Variants in SMURF1 observed in about 807,000 individuals in gnomAD.
The protein encoded by SMURF1 is SMAD specific E3 ubiquitin protein ligase 1.
SMURF1 carries 44 observed loss-of-function variants against 98.0 expected under a neutral mutation model. That is an observed-to-expected ratio of 0.45 (90% CI 0.35 to 0.58). The LOEUF (loss-of-function observed/expected upper bound fraction) is 0.58, where lower values mean the gene tolerates loss of function less well. SMURF1 is among the 20% of genes least tolerant of loss of function. The pLI, the probability that SMURF1 is intolerant of heterozygous loss-of-function variation, is 0.00. For missense variants in SMURF1, 687 were observed against 938.4 expected, an observed-to-expected ratio of 0.73 and a Z score of 3.50; for synonymous variants, 396 against 374.9, an observed-to-expected ratio of 1.06 and a Z score of -0.65.
rs143436651 is a variant in SMURF1, at chr7:99,051,686, G to A, written c.722-245C>T. Among the ~76,000 whole-genome samples the A allele has an allele frequency of 3.9e-3, 592 of 152,158 alleles. 2 individuals are homozygous for A. Among genetic ancestry groups the A allele is most frequent in the African/African-American group, 0.012 (505 of 41,512 alleles). Reference sequence around the variant, plus strand: ...GTTACCTTGGTTTGCTTTGGTGTTCGTTTGCCTAAGATTTTCACTTGATTT... The same window carrying A: ...GTTACCTTGGTTTGCTTTGGTGTTCATTTGCCTAAGATTTTCACTTGATTT... On this transcript the variant is annotated intron_variant, in intron 7 of 17. Coordinates refer to ENST00000361368, the MANE Select transcript of SMURF1 (RefSeq NM_181349.3).
chr7:99,139,468 G>A (rs1190130306), intron 1 of SMURF1, among the ~76,000 whole-genome samples: 1 of 152,114 alleles, frequency 6.6e-6, no homozygotes, highest in East Asian at 1.9e-4. Flanking sequence ...TCAACTAATT[G>A]GTTGACATTA....
rs114043203 is a variant in SMURF1 at position 99,035,506 on chromosome 7, G to A, written c.2011+9C>T. 1.3e-3 allele frequency: 2,142 copies of A among 1,614,020 alleles called. 22 individuals are homozygous for A. In the African/African-American group the frequency reaches 0.021, roughly 16 times the overall value. ...CGTCATCGAATAGCCCTGCCTCCAC[G>A]TCAGTCACCTTGCAAAGCCTTGAAG... On this transcript the variant is annotated intron_variant, in intron 16 of 17. Coordinates refer to ENST00000361368, the MANE Select transcript of SMURF1 (RefSeq NM_181349.3).
Position 99,051,300 on chromosome 7 carries a change from C to G in SMURF1, c.806+57G>C, listed in dbSNP as rs1584460887. 6 of 1,377,686 alleles carry G rather than the reference C, an allele frequency of 4.4e-6. No homozygotes were observed. In the East Asian group the frequency reaches 9.1e-5, roughly 21 times the overall value. 85.3% of individuals were successfully genotyped at this position (1,377,686 alleles called of 1,614,324 possible). ...GAGCAACACATCTGGAAGGTATTGG[C>G]TTTTCAAGTCAACTGCTGGAAAGAC... On this transcript the variant is annotated intron_variant, in intron 8 of 17. Coordinates refer to ENST00000361368, the MANE Select transcript of SMURF1 (RefSeq NM_181349.3).
Position 99,031,683 on chromosome 7 carries a change from T to C in SMURF1, c.2097-1000A>G, listed in dbSNP as rs531965660. ...TGGAGCAGGACCTTGGCACCCACCA[T>C]GGTCCAGGACCAGCTGCATTACCCC... On this transcript the variant is annotated intron_variant, in intron 17 of 17. Coordinates refer to ENST00000361368, the MANE Select transcript of SMURF1 (RefSeq NM_181349.3). 5.6e-4 allele frequency among the ~76,000 whole-genome samples: 85 copies of C among 152,336 alleles called. 1 individual carries two copies. The highest frequency in any genetic ancestry group is 1.9e-3 in the African/African-American group (81 of 41,596).
At chr7:99,108,698 T>C (rs376422091) in intron 1 of SMURF1, among the ~76,000 whole-genome samples, 1 of 151,158 alleles carries the variant, frequency 6.6e-6, no homozygotes, top group Non-Finnish European at 1.5e-5. Context: ...AGCAGAGCAT[T>C]TTCCAGAGCC....
rs770937259 is a variant in SMURF1, at chr7:99,040,361, C to T, written c.1550+17G>A. 21 of 1,464,980 alleles carry T rather than the reference C, an allele frequency of 1.4e-5. No individual in the cohort carries two copies. Among genetic ancestry groups the T allele is most frequent in the East Asian group, 2.6e-5 (1 of 39,094 alleles). The allele number at this position is 1,464,980 out of a possible 1,614,324, so 90.7% of individuals were successfully genotyped here. On this transcript the variant is annotated intron_variant, in intron 13 of 17. Transcript: ENST00000361368. ...GTGGGCCCTAAGCCAGGTGACCGGC[C>T]GTCAGTCAATACTTACAGGATCCAC...
chr7:99,035,528 G>A lies in SMURF1; in HGVS notation c.1998C>T (p.Phe666=), dbSNP rs755685190. 6.2e-7 allele frequency: 1 copy of A among 1,614,186 alleles called. No homozygotes were observed. The highest frequency in any genetic ancestry group is 1.1e-5 in the South Asian group (1 of 91,078). Residue 666 remains phenylalanine, a synonymous_variant, in exon 16 of 18, where the codon TTC becomes TTT. Transcript: ENST00000361368. The stretch of plus-strand genomic sequence containing the variant: ...CACGTCAGTCACCTTGCAAAGCCTT[G>A]AAGCCTTGGAGCGGGACTCGCGTGG... ...TGSTRVPLQG[F]KALQGSTGAA...
At position 99,054,931 on chromosome 7, in the gene SMURF1, T is replaced by C. The variant is rs1200290627; in HGVS notation, c.404-66A>G. The C allele has an allele frequency of 2.9e-6, 4 of 1,386,566 alleles. No individual in the cohort carries two copies. The African/African-American group carries it at 4.3e-5, about 15-fold the overall frequency. 85.9% of individuals were successfully genotyped at this position (1,386,566 alleles called of 1,614,324 possible). A position where few individuals can be genotyped will look rare whatever the true frequency, so the allele number is the denominator to read the frequency against. Reference sequence around the variant, plus strand: ...GTTTACATAATTATAATACAGTGAGTCATTGCTAATTTAGAATTTATGTAC... The same window carrying C: ...GTTTACATAATTATAATACAGTGAGCCATTGCTAATTTAGAATTTATGTAC... On this transcript the variant is annotated intron_variant, in intron 5 of 17. Coordinates refer to ENST00000361368, the MANE Select transcript of SMURF1 (RefSeq NM_181349.3).
intron 16 of SMURF1, 103 bp from the exon 17 acceptor site, chr7:99,033,224 C>T: frequency 8.8e-7 from 1 of 1,135,190 alleles, no homozygotes; most frequent in Non-Finnish European, 1.3e-6. Flanking sequence ...TTCCCACCCC[C>T]ACACCCAGGC....
rs187824472 is a variant in SMURF1, at chr7:99,056,948, A to T, written c.403+257T>A. Among the ~76,000 whole-genome samples the T allele has an allele frequency of 7.5e-3, 1,007 of 134,546 alleles. 12 individuals carry two copies. The highest frequency in any genetic ancestry group is 0.054 in the East Asian group (236 of 4,346). 88.3% of individuals were successfully genotyped at this position (134,546 alleles called of 152,430 possible). On this transcript the variant is annotated intron_variant, in intron 5 of 17. Transcript: ENST00000361368. ...AACCTGGGAGGCGGAGGTTGAGGTG[A>T]GCTGAGATCTCACCACTGCACTCCA...
At chr7:99,076,841 A>T (rs7794306) in intron 1 of SMURF1, among the ~76,000 whole-genome samples, 1 of 62,566 alleles carries the variant, frequency 1.6e-5, no homozygotes, top group African/African-American at 3.0e-5. Flanking sequence ...GCCCATGTGT[A>T]TGTGTGTGCA....
Position 99,143,767 on chromosome 7 carries a change from C to G in SMURF1, c.14G>C (p.Gly5Ala), listed in dbSNP as rs745638365. ...GATGCTGGAGCCGTTCCTGCGTGTC[C>G]CGGGGTTCGACATCTCCCGCCAACG... MSNP[G>A]TRRNGSSIKI... The change falls in exon 1 of 18, where the codon GGG (glycine) becomes GCG (alanine). Residue 5 changes from glycine (G) to alanine (A), a missense_variant. Around this residue, in one of 2 missense-constraint regions of SMURF1, gnomAD observed 415 missense variants for 508.4 expected, o/e 0.82. Transcript: ENST00000361368. 1.9e-5 allele frequency: 29 copies of G among 1,559,608 alleles called. No individual in the cohort carries two copies. In the Admixed American group the frequency reaches 5.4e-4, roughly 29 times the overall value.
chr7:99,105,944 C>A (rs753777417), intron 1 of SMURF1, among the ~76,000 whole-genome samples: 14 of 152,308 alleles, frequency 9.2e-5, no homozygotes, highest in Middle Eastern at 6.8e-3. Context: ...ACTTAAAATG[C>A]CCTCCCAATC....
At chr7:99,056,288 T>A (rs1253120717) in intron 5 of SMURF1, among the ~76,000 whole-genome samples, 2 of 152,316 alleles carry the variant, frequency 1.3e-5, no homozygotes, top group African/African-American at 4.8e-5. Context: ...AGACCTTTTT[T>A]TTTTTATTCC....
chr7:99,070,661 T>TC (rs1796296519), intron 1 of SMURF1, among the ~76,000 whole-genome samples: 1 of 151,844 alleles, frequency 6.6e-6, no homozygotes, highest in Non-Finnish European at 1.5e-5. Flanking sequence ...TTTTTTTTTT[T>TC]AACTGTGTAG....
intron 1 of SMURF1, among the ~76,000 whole-genome samples, chr7:99,121,658 G>A (rs557054151): frequency 1.3e-5 from 2 of 152,286 alleles, no homozygotes; most frequent in Non-Finnish European, 2.9e-5. Flanking sequence ...GCTTTGGATC[G>A]TAGACCACTT....
rs116603947 is a variant in SMURF1, at chr7:99,103,882, C to T, written c.55+39844G>A. On this transcript the variant is annotated intron_variant, in intron 1 of 17. Transcript: ENST00000361368. ...AAAAGCAATTTGTGATGGATATCTC[C>T]GGGCCACAACTTTTTTTTTTTTTTT... is the stretch of plus-strand genomic sequence containing the variant. 2.1e-3 allele frequency among the ~76,000 whole-genome samples: 312 copies of T among 150,218 alleles called. 1 individual carries two copies. Among genetic ancestry groups the T allele is most frequent in the African/African-American group, 7.1e-3 (293 of 40,990 alleles).
chr7:99,043,291 C>G (rs945845255), intron 11 of SMURF1, among the ~76,000 whole-genome samples: 10 of 152,162 alleles, frequency 6.6e-5, no homozygotes, highest in African/African-American at 1.9e-4. Context: ...TAAGTGTAGC[C>G]TAACTCCCAC....
At chr7:99,067,685 C>T (rs1796226837) in intron 1 of SMURF1, among the ~76,000 whole-genome samples, 1 of 152,318 alleles carries the variant, frequency 6.6e-6, no homozygotes, top group Non-Finnish European at 1.5e-5. Flanking sequence ...GGCGCAGTGG[C>T]TCACGCCTGT....
Sources: gnomAD v4.1 joint callset for allele counts (sites outside exome capture counted in the v4.1 genomes callset) on GRCh38, gnomAD v4.1.1 for gene constraint, gnomAD v4.1.1 regional missense constraint, MANE v1.5 for transcripts, NCBI Gene and HGNC (gene_info 2026-07-23, HGNC 2026-07-21) for gene names.